Variants in RAPGEF4 observed in about 807,000 individuals in gnomAD.
The protein encoded by RAPGEF4 is RAP guanine-nucleotide-exchange factor (GEF) 4.
In RAPGEF4, 66 loss-of-function variants were observed where a neutral mutation model predicts 147.9. The observed-to-expected ratio is 0.45, with a 90% confidence interval of 0.37 to 0.55. RAPGEF4 has a LOEUF of 0.55. Ranked by LOEUF, RAPGEF4 falls within the 20% of genes least tolerant of loss-of-function variation. The pLI, the probability that RAPGEF4 is intolerant of heterozygous loss-of-function variation, is 0.00. For missense variants in RAPGEF4, 1,071 were observed against 1,257.3 expected (o/e 0.85, Z 2.24); for synonymous variants, 419 against 442.7 (o/e 0.95, Z 0.67).
intron 5 of RAPGEF4, among the ~76,000 whole-genome samples, chr2:172,920,696 T>C (rs1348512087): frequency 1.3e-5 from 2 of 152,172 alleles, no homozygotes; most frequent in Admixed American, 6.5e-5. Context: ...TTCCAGCTAC[T>C]CATATATGGT....
At chr2:172,946,750 T>A (rs893656956) in intron 6 of RAPGEF4, among the ~76,000 whole-genome samples, 2 of 152,214 alleles carry the variant, frequency 1.3e-5, no homozygotes, top group African/African-American at 4.8e-5. Context: ...TATAAAATAC[T>A]TGTGTATATG....
Position 173,006,351 on chromosome 2 carries a change from C to A in RAPGEF4, c.1658+5007C>A, listed in dbSNP as rs938244576. ...AGATTCTTACTGCAGCTAAAAGAAT[C>A]TTAAGTATGAATGGCTGATATTTAA... On this transcript the variant is annotated intron_variant, in intron 17 of 30. Coordinates refer to ENST00000397081, the MANE Select transcript of RAPGEF4 (RefSeq NM_007023.4). 3.3e-5 allele frequency among the ~76,000 whole-genome samples: 5 copies of A among 152,122 alleles called. No homozygotes were observed. In the East Asian group the frequency reaches 9.6e-4, roughly 29 times the overall value.
chr2:173,036,760 A>G, intron 29 of RAPGEF4, 68 bp downstream of exon 29: 1 of 1,182,498 alleles, frequency 8.5e-7, no homozygotes, highest in Non-Finnish European at 1.2e-6. Flanking sequence ...TTTCTAATAA[A>G]GGAAATAATT....
At position 172,965,676 on chromosome 2, in the gene RAPGEF4, C is replaced by T; in HGVS notation, c.813C>T (p.Leu271=). The T allele has an allele frequency of 6.2e-7, 1 of 1,614,150 alleles. No homozygotes were observed. Among genetic ancestry groups the T allele is most frequent in the South Asian group, 1.1e-5 (1 of 91,070 alleles). Residue 271 remains leucine (L), a synonymous_variant, in exon 9 of 31, where the codon CTC becomes CTT. Transcript: ENST00000397081. ...MWQVLLEDGV[L]NHVDQEHHFQ... ...AAGTCCTGTTAGAAGATGGTGTTCTCAACCACGGTAAGATGAGCCCCAGTC... is the reference window on the plus strand; with the variant it reads ...AAGTCCTGTTAGAAGATGGTGTTCTTAACCACGGTAAGATGAGCCCCAGTC...
At chr2:172,952,075 A>G (rs563479273) in intron 6 of RAPGEF4, among the ~76,000 whole-genome samples, 5 of 152,184 alleles carry the variant, frequency 3.3e-5, no homozygotes, top group Non-Finnish European at 7.3e-5. Flanking sequence ...AATTTACACA[A>G]TCATAGCTCA....
chr2:173,038,020 GT>G (rs1684275482), intron 29 of RAPGEF4, among the ~76,000 whole-genome samples: 1 of 152,198 alleles, frequency 6.6e-6, no homozygotes, highest in East Asian at 1.9e-4. Flanking sequence ...GCAAAGCCCA[GT>G]CTGGTCAAGT....
At chr2:172,934,040 C>T (rs764994261) in intron 6 of RAPGEF4, among the ~76,000 whole-genome samples, 7 of 151,262 alleles carry the variant, frequency 4.6e-5, no homozygotes, top group Admixed American at 1.3e-4. Context: ...CCTTTTTCCT[C>T]GAGTAAATTA....
At chr2:172,878,838 C>T (rs544995052) in intron 4 of RAPGEF4, among the ~76,000 whole-genome samples, 1 of 152,212 alleles carries the variant, frequency 6.6e-6, no homozygotes, top group Admixed American at 6.5e-5. Context: ...GTCATAAAGA[C>T]GTAAATGGAG....
At chr2:172,782,145 A>T (rs1684740782) in intron 1 of RAPGEF4, among the ~76,000 whole-genome samples, 1 of 152,248 alleles carries the variant, frequency 6.6e-6, no homozygotes, top group Non-Finnish European at 1.5e-5. Flanking sequence ...ACTAATAAAT[A>T]ACTCATAAAC....
intron 4 of RAPGEF4, among the ~76,000 whole-genome samples, chr2:172,883,206 G>C (rs1354096517): frequency 6.6e-6 from 1 of 152,192 alleles, no homozygotes; most frequent in East Asian, 1.9e-4. Context: ...AAAGAACAGA[G>C]ATTTCTCTCT....
chr2:172,884,579 T>A (rs1023263212), intron 4 of RAPGEF4, among the ~76,000 whole-genome samples: 11 of 152,214 alleles, frequency 7.2e-5, no homozygotes, highest in African/African-American at 2.7e-4. Context: ...ATTCTGTGCT[T>A]GTATTAATGC....
At chr2:173,000,746 CTTTCT>C (rs1308941534) in intron 16 of RAPGEF4, among the ~76,000 whole-genome samples, 19 of 72,808 alleles carry the variant, frequency 2.6e-4, no homozygotes, top group Non-Finnish European at 2.6e-4. Context: ...TCTTTTCTTT[CTTTCT>C]TTTTTTTTTT....
chr2:172,997,643 G>A (rs954821196), intron 16 of RAPGEF4, among the ~76,000 whole-genome samples: 2 of 151,818 alleles, frequency 1.3e-5, no homozygotes, highest in African/African-American at 2.4e-5. Context: ...CACACGCAAC[G>A]TGTTTTTTTT....
intron 26 of RAPGEF4, among the ~76,000 whole-genome samples, chr2:173,031,306 C>T (rs753280595): frequency 6.6e-6 from 1 of 152,166 alleles, no homozygotes; most frequent in African/African-American, 2.4e-5. Context: ...ATTGGTGAGG[C>T]CTGCGTGCCA....
Position 172,985,509 on chromosome 2 carries a change from T to C in RAPGEF4, c.1150+16T>C. Reference sequence around the variant, plus strand: ...GGGACTGTGTGTAAGTGAAAAGCTGTACTGGAACCTTGCGCCTGGCCAGCA... The same window carrying C: ...GGGACTGTGTGTAAGTGAAAAGCTGCACTGGAACCTTGCGCCTGGCCAGCA... On this transcript the variant is annotated intron_variant, in intron 12 of 30. Transcript: ENST00000397081. The C allele has an allele frequency of 6.2e-7, 1 of 1,610,234 alleles. No individual in the cohort carries two copies. The highest frequency in any genetic ancestry group is 8.5e-7 in the Non-Finnish European group (1 of 1,178,810).
At chr2:172,793,848 T>G (rs1455805841) in intron 1 of RAPGEF4, among the ~76,000 whole-genome samples, 1 of 152,120 alleles carries the variant, frequency 6.6e-6, no homozygotes. Flanking sequence ...TCAAGAAATA[T>G]GAACAGACTG....
rs567903630 is a variant in RAPGEF4 at position 172,864,830 on chromosome 2, G to A, written c.444+50405G>A. ...TGAGGCCAGAGAATTGCTTGAACCTGGGAGATAGAGGTTGCAGTGAGCCTA... is the reference window on the plus strand; with the variant it reads ...TGAGGCCAGAGAATTGCTTGAACCTAGGAGATAGAGGTTGCAGTGAGCCTA... On this transcript the variant is annotated intron_variant, in intron 4 of 30. Coordinates refer to ENST00000397081, the MANE Select transcript of RAPGEF4 (RefSeq NM_007023.4). Among the ~76,000 whole-genome samples, 5 of 152,312 alleles carry A rather than the reference G, an allele frequency of 3.3e-5. No individual in the cohort carries two copies. In the South Asian group the frequency reaches 1.0e-3, roughly 32 times the overall value.
At chr2:172,909,789 A>G (rs1245115984) in intron 4 of RAPGEF4, among the ~76,000 whole-genome samples, 4 of 152,160 alleles carry the variant, frequency 2.6e-5, no homozygotes, top group African/African-American at 9.7e-5. Context: ...TAAAGATATG[A>G]ACTGCTTCAC....
intron 29 of RAPGEF4, among the ~76,000 whole-genome samples, chr2:173,038,228 T>C (rs1684298795): frequency 1.3e-5 from 2 of 152,240 alleles, no homozygotes; most frequent in African/African-American, 4.8e-5. Flanking sequence ...CAACATTCTT[T>C]GCTAACTTAT....
Sources: gnomAD v4.1 joint callset for allele counts (sites outside exome capture counted in the v4.1 genomes callset) on GRCh38, gnomAD v4.1.1 for gene constraint, MANE v1.5 for transcripts, NCBI Gene and HGNC (gene_info 2026-07-23, HGNC 2026-07-21) for gene names.